Variants in TOMM20 observed in about 807,000 individuals in gnomAD.
The protein encoded by TOMM20 is translocase of outer mitochondrial membrane 20, also known as mitochondrial import receptor subunit TOM20 homolog.
Under a neutral mutation model 22.1 loss-of-function variants are expected in TOMM20, and 10 were observed. The observed-to-expected ratio is 0.45, with a 90% CI of 0.28 to 0.77. The LOEUF (loss-of-function observed/expected upper bound fraction) is 0.77. TOMM20 is among the 30% of genes least tolerant of loss of function. TOMM20 has a pLI of 0.13. For missense variants in TOMM20, 121 were observed against 172.2 expected (o/e 0.70, Z 1.66); for synonymous variants, 55 against 61.4 (o/e 0.90, Z 0.49).
At chr1:235,128,525 A>G in intron 1 of TOMM20, 70 bp downstream of exon 1, 2 of 1,606,040 alleles carry the variant, frequency 1.2e-6, no homozygotes, top group Non-Finnish European at 1.7e-6. Context: ...GGTGGGAGGC[A>G]ATGACCCCTC....
chr1:235,124,342 G>A (rs369048898), intron 1 of TOMM20, among the ~76,000 whole-genome samples: 12 of 152,304 alleles, frequency 7.9e-5, no homozygotes, highest in East Asian at 7.7e-4. Context: ...GTGAGACTCC[G>A]TCTCAAACAA....
chr1:235,121,102 G>C (rs564666890), intron 2 of TOMM20, among the ~76,000 whole-genome samples: 5 of 151,914 alleles, frequency 3.3e-5, no homozygotes, highest in Non-Finnish European at 7.4e-5. Context: ...GGGAGGCTGA[G>C]GCAGGAGAAT....
chr1:235,115,601 T>A (rs1034547919), intron 3 of TOMM20, among the ~76,000 whole-genome samples: 6 of 152,090 alleles, frequency 3.9e-5, no homozygotes, highest in African/African-American at 1.4e-4. Context: ...CACTCCAGCC[T>A]GGGCGACAGA....
At chr1:235,127,884 C>T in intron 1 of TOMM20, 1 of 519,182 alleles carries the variant, frequency 1.9e-6, no homozygotes, top group South Asian at 1.4e-5. Flanking sequence ...ATAGCATTCA[C>T]TCATATCTTG....
At chr1:235,122,190 C>G (rs1297864078) in intron 2 of TOMM20, 136 bp downstream of exon 2, 16 of 637,670 alleles carry the variant, frequency 2.5e-5, no homozygotes, top group Non-Finnish European at 3.9e-5. Context: ...TAAAAATAAG[C>G]TGTATTTTAA....
Position 235,128,611 on chromosome 1 carries a change from CTTG to C in TOMM20, c.102_104del (p.Phe34_Lys35delinsLeu). ...CCCACTCACGTTCTCGAAGCCTGTT[CTTG>C]AAGTTGGGGTCACTTCGTCTTTTGC... On this transcript the variant is annotated inframe_deletion, in exon 1 of 5. Transcript: ENST00000366607. 6.2e-7 allele frequency: 1 copy of C among 1,612,990 alleles called. No homozygotes were observed. The highest frequency in any genetic ancestry group is 1.1e-5 in the South Asian group (1 of 91,036).
chr1:235,125,600 T>C (rs1483140396), intron 1 of TOMM20, among the ~76,000 whole-genome samples: 5 of 152,084 alleles, frequency 3.3e-5, no homozygotes, highest in African/African-American at 1.2e-4. Flanking sequence ...CAGATGTAAA[T>C]ATTCTATTGG....
chr1:235,115,029 C>T (rs575303199), intron 3 of TOMM20, among the ~76,000 whole-genome samples: 49 of 152,038 alleles, frequency 3.2e-4, no homozygotes, highest in Non-Finnish European at 5.0e-4. Context: ...ACCACCACAC[C>T]GGGCTAATTT....
intron 1 of TOMM20, chr1:235,127,912 G>A (rs778750504): frequency 1.9e-6 from 1 of 519,090 alleles, no homozygotes; most frequent in Non-Finnish European, 3.8e-6. Flanking sequence ...TTAGAACGAA[G>A]CTACCAAGAG....
chr1:235,124,032 AT>A (rs1376695066), intron 1 of TOMM20, among the ~76,000 whole-genome samples: 1 of 152,252 alleles, frequency 6.6e-6, no homozygotes, highest in African/African-American at 2.4e-5. Context: ...TTATTAGCTT[AT>A]TTAATCCTCA....
At chr1:235,118,673 AC>A (rs1013906487) in intron 3 of TOMM20, among the ~76,000 whole-genome samples, 1 of 152,134 alleles carries the variant, frequency 6.6e-6, no homozygotes, top group African/African-American at 2.4e-5. Flanking sequence ...ACAGGTGCAT[AC>A]TACTGCACCT....
chr1:235,125,469 C>T (rs937183488), intron 1 of TOMM20, among the ~76,000 whole-genome samples: 3 of 152,088 alleles, frequency 2.0e-5, no homozygotes, highest in Admixed American at 6.6e-5. Flanking sequence ...CCCGCCTCGG[C>T]CTCCCAAAGT....
chr1:235,113,399 A>G (rs1275870099), intron 4 of TOMM20, among the ~76,000 whole-genome samples: 2 of 152,184 alleles, frequency 1.3e-5, no homozygotes, highest in Non-Finnish European at 2.9e-5. Flanking sequence ...TGTGTAGGCT[A>G]TAGCTATCTA....
chr1:235,111,674 C>A lies in TOMM20; in HGVS notation c.*390G>T. ...ATTTCCAGATTTACAGCAAAATGTG[C>A]CCTCTAAAAAAGTGTACATTCTTCA... On this transcript the variant is annotated 3_prime_UTR_variant, in exon 5 of 5. Coordinates refer to ENST00000366607, the MANE Select transcript of TOMM20 (RefSeq NM_014765.3). 6.2e-6 allele frequency: 1 copy of A among 160,556 alleles called. No homozygotes were observed. Among genetic ancestry groups the A allele is most frequent in the South Asian group, 1.8e-4 (1 of 5,598 alleles). The allele number at this position is 160,556 out of a possible 1,614,324, so 9.9% of individuals were successfully genotyped here.
intron 1 of TOMM20, among the ~76,000 whole-genome samples, chr1:235,124,597 C>T (rs1356126552): frequency 6.6e-6 from 1 of 152,148 alleles, no homozygotes; most frequent in Non-Finnish European, 1.5e-5. Context: ...GTGAGACATA[C>T]AATTTGCTAA....
At chr1:235,121,763 T>A (rs1660934679) in intron 2 of TOMM20, among the ~76,000 whole-genome samples, 1 of 152,228 alleles carries the variant, frequency 6.6e-6, no homozygotes, top group South Asian at 2.1e-4. Context: ...AACATTTTTT[T>A]ACCAAGTAGA....
At chr1:235,120,997 C>T (rs111393885) in intron 2 of TOMM20, among the ~76,000 whole-genome samples, 25,710 of 151,888 alleles carry the variant, frequency 0.17, 2,435 homozygotes, top group Middle Eastern at 0.25. Context: ...GTCAAGAGAT[C>T]GAGGCCATGC....
At chr1:235,121,096 G>A (rs951624977) in intron 2 of TOMM20, among the ~76,000 whole-genome samples, 2 of 151,900 alleles carry the variant, frequency 1.3e-5, no homozygotes, top group Admixed American at 6.6e-5. Context: ...CTGCTCGGGA[G>A]GCTGAGGCAG....
chr1:235,112,194 A>T, intron 4 of TOMM20, 86 bp from the exon 5 acceptor site: 1 of 1,077,112 alleles, frequency 9.3e-7, no homozygotes, highest in Non-Finnish European at 1.3e-6. Flanking sequence ...CTTTGTATTC[A>T]AAGAATTGAA....
Sources: allele counts gnomAD v4.1 joint callset (sites outside exome capture counted in the v4.1 genomes callset), GRCh38; gene constraint gnomAD v4.1.1; transcripts MANE v1.5; gene names NCBI Gene and HGNC (gene_info 2026-07-23, HGNC 2026-07-21).